CSMD2: variants seen among roughly 807,000 people sequenced by gnomAD.
The protein encoded by CSMD2 is CUB and sushi domain-containing protein 2.
A neutral mutation model predicts 398.5 loss-of-function variants in CSMD2; 130 were observed. The observed-to-expected ratio is 0.33, with a 90% CI of 0.28 to 0.38. CSMD2 has a LOEUF of 0.38. Among genes scored for constraint, CSMD2 ranks in the 10% least tolerant of loss-of-function variants. CSMD2 has a pLI of 1.00. For synonymous variants in CSMD2, 1,828 were observed against 1,908.5 expected (o/e 0.96, Z 1.10); for missense variants, 3,829 against 4,764.9 (o/e 0.80, Z 5.78).
chr1:33,765,613 A>G (rs1650390792), intron 13 of CSMD2, among the ~76,000 whole-genome samples: 1 of 152,258 alleles, frequency 6.6e-6, no homozygotes, highest in African/African-American at 2.4e-5. Flanking sequence ...CCAAAAATAG[A>G]ACGAACTGTT....
intron 2 of CSMD2, among the ~76,000 whole-genome samples, chr1:34,080,349 T>C (rs1656929409): frequency 6.6e-6 from 1 of 151,978 alleles, no homozygotes; most frequent in Non-Finnish European, 1.5e-5. Flanking sequence ...TATCCGCAAA[T>C]ATCAGTTAGG....
intron 1 of CSMD2, among the ~76,000 whole-genome samples, chr1:34,159,304 A>T (rs1199134358): frequency 6.6e-6 from 1 of 150,772 alleles, no homozygotes; most frequent in Non-Finnish European, 1.5e-5. Context: ...TTGGGGCTAG[A>T]AACCAAGAAT....
At chr1:34,003,036 C>T (rs1005759039) in intron 3 of CSMD2, among the ~76,000 whole-genome samples, 5 of 152,100 alleles carry the variant, frequency 3.3e-5, no homozygotes, top group African/African-American at 1.2e-4. Context: ...ATAAACAGTA[C>T]CTCTGGGGCT....
chr1:33,595,864 A>G (rs1300917798), intron 44 of CSMD2, among the ~76,000 whole-genome samples: 9 of 152,218 alleles, frequency 5.9e-5, no homozygotes, highest in Admixed American at 6.5e-5. Flanking sequence ...AGATGTGCTC[A>G]TTACTATTGA....
chr1:33,987,702 C>A (rs1380917631), intron 3 of CSMD2, among the ~76,000 whole-genome samples: 1 of 152,132 alleles, frequency 6.6e-6, no homozygotes, highest in Non-Finnish European at 1.5e-5. Context: ...GACATTTCTA[C>A]CAGGAGCACC....
At chr1:34,096,750 G>T (rs373545192) in intron 1 of CSMD2, among the ~76,000 whole-genome samples, 1 of 75,768 alleles carries the variant, frequency 1.3e-5, no homozygotes, top group Non-Finnish European at 2.5e-5. Flanking sequence ...CACTGCTCAA[G>T]GAAATAAAAG....
intron 25 of CSMD2, among the ~76,000 whole-genome samples, chr1:33,689,275 T>C (rs1479157490): frequency 6.6e-6 from 1 of 152,180 alleles, no homozygotes; most frequent in Admixed American, 6.5e-5. Flanking sequence ...TCTGCAGCTC[T>C]CAGTGAAACT....
chr1:33,788,842 T>G (rs1244385685), intron 11 of CSMD2, 130 bp from the exon 12 acceptor site: 13 of 625,906 alleles, frequency 2.1e-5, no homozygotes, highest in Non-Finnish European at 3.7e-5. Context: ...GGCCCCACTG[T>G]GTTTCTGACT....
chr1:33,989,039 T>C (rs12035119), intron 3 of CSMD2, among the ~76,000 whole-genome samples: 7,246 of 48,602 alleles, frequency 0.15, 723 homozygotes, highest in East Asian at 0.52. Flanking sequence ...TATATATATA[T>C]ATATATATAT....
At chr1:34,146,211 C>T (rs771143) in intron 1 of CSMD2, among the ~76,000 whole-genome samples, 115,884 of 152,064 alleles carry the variant, frequency 0.76, 46,057 homozygotes, top group Non-Finnish European at 0.87. Context: ...AGGACCTGTG[C>T]CCTGAGGGGT....
chr1:34,098,738 C>A (rs376334356), intron 1 of CSMD2, among the ~76,000 whole-genome samples: 1 of 151,996 alleles, frequency 6.6e-6, no homozygotes, highest in Non-Finnish European at 1.5e-5. Context: ...AAGTTATCTC[C>A]TCGAATCGCA....
In CSMD2 at chr1:33,995,005, A is replaced by G. The variant is rs529989055; in HGVS notation, c.517+37589T>C. On this transcript the variant is annotated intron_variant, in intron 3 of 70. Coordinates refer to ENST00000373381, the MANE Select transcript of CSMD2 (RefSeq NM_001281956.2). The stretch of plus-strand genomic sequence containing the variant: ...CTTGAACCAGGAAGTCAGATGTTGC[A>G]GTGAGCCAAGATCGCCCCACCGCAC... Among the ~76,000 whole-genome samples, 5 of 151,888 alleles carry G rather than the reference A, an allele frequency of 3.3e-5. No individual in the cohort carries two copies. The South Asian group carries it at 1.0e-3, about 32-fold the overall frequency.
intron 3 of CSMD2, among the ~76,000 whole-genome samples, chr1:33,952,146 G>A (rs1006207445): frequency 6.6e-6 from 1 of 152,188 alleles, no homozygotes; most frequent in Non-Finnish European, 1.5e-5. Context: ...TGACCAAGAG[G>A]CTGTGATGAC....
chr1:33,827,784 G>A (rs1658997527), intron 6 of CSMD2, among the ~76,000 whole-genome samples: 1 of 152,176 alleles, frequency 6.6e-6, no homozygotes, highest in Non-Finnish European at 1.5e-5. Context: ...TGGTTTAGGT[G>A]ACTTGCTGTA....
At chr1:34,054,500 T>C (rs1009378287) in intron 2 of CSMD2, among the ~76,000 whole-genome samples, 1 of 152,080 alleles carries the variant, frequency 6.6e-6, no homozygotes, top group Non-Finnish European at 1.5e-5. Context: ...GGTGGGCAGA[T>C]CACGAGGTCA....
chr1:33,612,360 G>T (rs969199249), intron 40 of CSMD2, among the ~76,000 whole-genome samples: 1 of 152,138 alleles, frequency 6.6e-6, no homozygotes, highest in Admixed American at 6.6e-5. Context: ...TTCATCTCCT[G>T]CCCTGTTCCA....
intron 55 of CSMD2, among the ~76,000 whole-genome samples, chr1:33,557,123 C>G (rs959191233): frequency 6.6e-6 from 1 of 152,188 alleles, no homozygotes; most frequent in African/African-American, 2.4e-5. Context: ...CTACTATGTA[C>G]CAGATACTAT....
chr1:33,654,302 G>C (rs971259864), intron 27 of CSMD2, among the ~76,000 whole-genome samples: 1 of 152,140 alleles, frequency 6.6e-6, no homozygotes, highest in Non-Finnish European at 1.5e-5. Flanking sequence ...ATTTATAAAG[G>C]AGGAAAGTGA....
chr1:33,695,419 G>T (rs759675432), intron 24 of CSMD2, among the ~76,000 whole-genome samples: 1 of 152,146 alleles, frequency 6.6e-6, no homozygotes, highest in Non-Finnish European at 1.5e-5. Context: ...TACAGCAGGG[G>T]TGAAACTGGA....
Sources: gnomAD v4.1 joint callset for allele counts (sites outside exome capture counted in the v4.1 genomes callset) on GRCh38, gnomAD v4.1.1 for gene constraint, MANE v1.5 for transcripts, NCBI Gene and HGNC (gene_info 2026-07-23, HGNC 2026-07-21) for gene names.